The following FCRL3 variants were observed in gnomAD, a reference collection of about 807,000 sequenced individuals.
FCRL3 encodes Fc receptor like 3, also known as Fc receptor-like protein 3.
In FCRL3, 89 loss-of-function variants were observed where a neutral mutation model predicts 75.0. That is an observed-to-expected ratio of 1.19 (90% CI 1.00 to 1.42). FCRL3 has a LOEUF of 1.42. Among genes scored for constraint, FCRL3 ranks in the 40% most tolerant of loss-of-function variants. The pLI is 0.00. For missense variants in FCRL3, 946 were observed against 880.0 expected, an observed-to-expected ratio of 1.07 and a Z score of -0.95; for synonymous variants, 376 against 348.5, an observed-to-expected ratio of 1.08 and a Z score of -0.88.
At chr1:157,697,041 T>A in intron 6 of FCRL3, 99 bp downstream of exon 6, 1 of 1,159,928 alleles carries the variant, frequency 8.6e-7, no homozygotes, top group South Asian at 3.4e-5. Context: ...AGCTGGACAC[T>A]CCTCTCTGTT....
Position 157,700,472 on chromosome 1 carries a change from C to T in FCRL3, c.18G>A (p.Leu6=). 1.2e-6 allele frequency: 2 copies of T among 1,613,970 alleles called. No homozygotes were observed. Among genetic ancestry groups the T allele is most frequent in the South Asian group, 1.1e-5 (1 of 91,082 alleles). The change falls in exon 2 of 15, where the codon CTG becomes CTA. Residue 6 remains leucine, a synonymous_variant. Transcript: ENST00000368184. ...CCATCTACTCACTCAGGATCAGCAG[C>T]AGCAGCCACAGAAGCATGGGCACCG... MLLWL[L]LLILTPGREQ...
chr1:157,693,061 A>G (rs1307610972), intron 8 of FCRL3, among the ~76,000 whole-genome samples: 3 of 152,014 alleles, frequency 2.0e-5, no homozygotes. Context: ...AGATTCCCTG[A>G]GCTCAGAAGT....
intron 11 of FCRL3, among the ~76,000 whole-genome samples, chr1:157,681,522 T>C (rs1654850032): frequency 6.6e-6 from 1 of 151,726 alleles, no homozygotes; most frequent in Admixed American, 6.6e-5. Context: ...GATAGTTTGC[T>C]GAGAATGATG....
intron 11 of FCRL3, among the ~76,000 whole-genome samples, chr1:157,682,516 C>G (rs1654915550): frequency 6.6e-6 from 1 of 152,190 alleles, no homozygotes; most frequent in South Asian, 2.1e-4. Context: ...AGACTTATGG[C>G]ACAAGGTGAA....
intron 10 of FCRL3, among the ~76,000 whole-genome samples, chr1:157,688,054 T>C (rs1557826069): frequency 6.6e-6 from 1 of 151,788 alleles, no homozygotes; most frequent in Non-Finnish European, 1.5e-5. Context: ...ATGTGACAAA[T>C]AGAAAGCAAA....
rs76334518 is a variant in FCRL3, at chr1:157,694,163, G to A, written c.1411+1166C>T. On this transcript the variant is annotated intron_variant, in intron 8 of 14. Transcript: ENST00000368184. ...ATATGTTATTAATATACATATATGT[G>A]GGGTATGTGTTAAATACTTTTGATG... Among the ~76,000 whole-genome samples, 1,315 of 152,136 alleles carry A rather than the reference G, an allele frequency of 8.6e-3. 17 individuals carry two copies. Among genetic ancestry groups the A allele is most frequent in the African/African-American group, 0.029 (1,219 of 41,492 alleles).
In FCRL3 at chr1:157,698,512, T is replaced by A. The variant is rs1656108337; in HGVS notation, c.170A>T (p.Tyr57Phe). Residue 57 changes from tyrosine to phenylalanine, a missense_variant, in exon 4 of 15, where the codon TAT becomes TTT. Tyr to Phe is a conservative substitution (Grantham distance 22). Coordinates refer to ENST00000368184, the MANE Select transcript of FCRL3 (RefSeq NM_052939.4). ...ISHSLAQGDT[Y>F]WYHDEKLLKI... The stretch of plus-strand genomic sequence containing the variant: ...CAACAACTTCTCATCGTGATACCAA[T>A]ATGTGTCTCCCTGGGCTAGGGAATG... The A allele has an allele frequency of 6.2e-7, 1 of 1,614,236 alleles. No homozygotes were observed. The highest frequency in any genetic ancestry group is 8.5e-7 in the Non-Finnish European group (1 of 1,180,036).
intron 8 of FCRL3, 58 bp from the exon 9 acceptor site, chr1:157,690,591 T>G: frequency 1.3e-6 from 2 of 1,584,094 alleles, no homozygotes; most frequent in Non-Finnish European, 1.7e-6. Flanking sequence ...ACAAGAGAAC[T>G]TAATAAAGGA....
At chr1:157,687,827 T>G (rs1202011616) in intron 10 of FCRL3, among the ~76,000 whole-genome samples, 1 of 151,690 alleles carries the variant, frequency 6.6e-6, no homozygotes, top group Non-Finnish European at 1.5e-5. Context: ...AAACTACCTA[T>G]TGGGTACTAT....
Position 157,697,809 on chromosome 1 carries a change from C to T in FCRL3, c.409G>A (p.Gly137Arg). ...TTATAACTATTAGGAAGCTGTTTTC[C>T]ATCCTTGTAGTAAACCTTTTGATGA... is the stretch of plus-strand genomic sequence containing the variant. ...NTHQKVYYKD[G>R]KQLPNSYNLE... is the part of the protein sequence containing the mutation. Residue 137 changes from glycine to arginine, a missense_variant, in exon 5 of 15, where the codon GGA (glycine) becomes AGA (arginine). Gly to Arg is a moderately radical substitution (Grantham distance 125). Coordinates refer to ENST00000368184, the MANE Select transcript of FCRL3 (RefSeq NM_052939.4). 2.5e-6 allele frequency: 4 copies of T among 1,614,134 alleles called. No homozygotes were observed. The highest frequency in any genetic ancestry group is 3.4e-6 in the Non-Finnish European group (4 of 1,180,028).
Position 157,696,670 on chromosome 1 carries a change from T to G in FCRL3, c.845-343A>C, listed in dbSNP as rs772997138. 8 of 303,088 alleles carry G rather than the reference T, an allele frequency of 2.6e-5. No homozygotes were observed. In the Admixed American group the frequency reaches 2.8e-4, roughly 11 times the overall value. The allele number at this position is 303,088 out of a possible 1,614,324, so 18.8% of individuals were successfully genotyped here. ...CACTGGAGATCCTCTGTTTTGAAGA[T>G]CAAAATAGAATCCAAACCCTTCTCC... On this transcript the variant is annotated intron_variant, in intron 6 of 14. Coordinates refer to ENST00000368184, the MANE Select transcript of FCRL3 (RefSeq NM_052939.4).
chr1:157,681,055 G>A lies in FCRL3; in HGVS notation c.1883C>T (p.Ser628Phe), dbSNP rs757234631. Residue 628 changes from serine (S) to phenylalanine (F), a missense_variant, in exon 12 of 15, where the codon TCC becomes TTC. Ser to Phe is a radical substitution (Grantham distance 155). Coordinates refer to ENST00000368184, the MANE Select transcript of FCRL3 (RefSeq NM_052939.4). ...ECQEPSSSRP[S>F]RIDPQEPTHS... ...AGTGGGCTCTTGAGGGTCTATCCTGGAAGGCCTGGACGAGGAAGGCTCCTG... is the reference window on the plus strand; with the variant it reads ...AGTGGGCTCTTGAGGGTCTATCCTGAAAGGCCTGGACGAGGAAGGCTCCTG... The A allele has an allele frequency of 2.5e-6, 4 of 1,604,102 alleles. No homozygotes were observed. The African/African-American group carries it at 5.4e-5, about 22-fold the overall frequency.
Position 157,677,316 on chromosome 1 carries a change from G to A in FCRL3, c.*1394C>T, listed in dbSNP as rs1229097816. On this transcript the variant is annotated 3_prime_UTR_variant, in exon 15 of 15. Transcript: ENST00000368184. ...AGAAATGGTGATTGTTTGAATGCAT[G>A]TAAGACATTCCCTAGGGACTCCAAG... 3 of 987,508 alleles carry A rather than the reference G, an allele frequency of 3.0e-6. No homozygotes were observed. The highest frequency in any genetic ancestry group is 3.6e-6 in the Non-Finnish European group (3 of 831,234). The allele number at this position is 987,508 out of a possible 1,614,324, so 61.2% of individuals were successfully genotyped here.
Position 157,677,060 on chromosome 1 carries a change from T to C in FCRL3, c.*1650A>G, listed in dbSNP as rs993105441. On this transcript the variant is annotated 3_prime_UTR_variant, in exon 15 of 15. Transcript: ENST00000368184. ...GAACATGAACTGGCAGAGATCAGCA[T>C]CTCAGTACGGGCAGGACATCATGCC... 1.2e-5 allele frequency: 14 copies of C among 1,189,672 alleles called. No homozygotes were observed. Among genetic ancestry groups the C allele is most frequent in the Non-Finnish European group, 1.4e-5 (13 of 946,762 alleles). The allele number at this position is 1,189,672 out of a possible 1,614,324, so 73.7% of individuals were successfully genotyped here.
rs189352227 is a variant in FCRL3, at chr1:157,694,288, A to G, written c.1411+1041T>C. Among the ~76,000 whole-genome samples, 7 of 152,332 alleles carry G rather than the reference A, an allele frequency of 4.6e-5. No individual in the cohort carries two copies. In the East Asian group the frequency reaches 9.6e-4, roughly 21 times the overall value. On this transcript the variant is annotated intron_variant, in intron 8 of 14. Transcript: ENST00000368184. The stretch of plus-strand genomic sequence containing the variant: ...AAGCACAAGACTAGTAAGAAGACTT[A>G]TTCAAGGTTAAACAAATGATATTTT...
At chr1:157,693,538 C>A (rs1224373233) in intron 8 of FCRL3, among the ~76,000 whole-genome samples, 3 of 151,938 alleles carry the variant, frequency 2.0e-5, no homozygotes, top group Non-Finnish European at 2.9e-5. Flanking sequence ...AGGAATAAGG[C>A]CAAACTCAGA....
chr1:157,682,793 A>C (rs998699611), intron 11 of FCRL3, among the ~76,000 whole-genome samples: 1 of 152,212 alleles, frequency 6.6e-6, no homozygotes, highest in African/African-American at 2.4e-5. Context: ...TCTTCAAGTA[A>C]AGTGGATTTT....
At position 157,676,537 on chromosome 1, in the gene FCRL3, A is replaced by T. The variant is rs1654466784; in HGVS notation, c.*2173T>A. On this transcript the variant is annotated 3_prime_UTR_variant, in exon 15 of 15. Transcript: ENST00000368184. The stretch of plus-strand genomic sequence containing the variant: ...GCTCCACTAAAATTACTTTTTTTAG[A>T]TTTCTGGGCTATGGGTTTTTAGTTG... 1 of 571,370 alleles carries T rather than the reference A, an allele frequency of 1.8e-6. No homozygotes were observed. The highest frequency in any genetic ancestry group is 2.9e-6 in the Non-Finnish European group (1 of 340,096). 35.4% of individuals were successfully genotyped at this position (571,370 alleles called of 1,614,324 possible). A position where few individuals can be genotyped will look rare whatever the true frequency, so the allele number is the denominator to read the frequency against.
intron 8 of FCRL3, among the ~76,000 whole-genome samples, chr1:157,694,557 G>A (rs1655766947): frequency 6.6e-6 from 1 of 152,134 alleles, no homozygotes; most frequent in African/African-American, 2.4e-5. Context: ...CTTCTCCTAG[G>A]TCCCAGTGCC....
Sources: gnomAD v4.1 joint callset for allele counts (sites outside exome capture counted in the v4.1 genomes callset) on GRCh38, gnomAD v4.1.1 for gene constraint, MANE v1.5 for transcripts, NCBI Gene and HGNC (gene_info 2026-07-23, HGNC 2026-07-21) for gene names.